The following SYNE1 variants were observed in gnomAD, a reference collection of about 807,000 sequenced individuals.
SYNE1 encodes the protein nesprin-1.
In SYNE1, 616 loss-of-function variants were observed where a neutral mutation model predicts 1,111.0. The ratio of observed to expected loss-of-function variants is 0.55; its 90% confidence interval spans 0.52 to 0.59. The LOEUF (loss-of-function observed/expected upper bound fraction) is 0.59. Among genes scored for constraint, SYNE1 ranks in the 20% least tolerant of loss-of-function variants. The pLI is 0.00. For synonymous variants in SYNE1, 3,855 were observed against 3,825.8 expected, an observed-to-expected ratio of 1.01 and a Z score of -0.28; for missense variants, 10,006 against 10,417.0, an observed-to-expected ratio of 0.96 and a Z score of 1.72.
chr6:152,380,087 C>A (rs2097375365), intron 56 of SYNE1, among the ~76,000 whole-genome samples: 1 of 152,132 alleles, frequency 6.6e-6, no homozygotes, highest in Non-Finnish European at 1.5e-5. Flanking sequence ...AACCCCCAAA[C>A]CTAGAATCAT....
At chr6:152,172,330 C>T (rs2635469) in intron 130 of SYNE1, among the ~76,000 whole-genome samples, 72,775 of 151,978 alleles carry the variant, frequency 0.48, 19,161 homozygotes, top group African/African-American at 0.7. Flanking sequence ...ATGAGTTATA[C>T]GGCATGTGGA....
rs115817359 is a variant in SYNE1, at chr6:152,631,179, A to G, written c.-223-2625T>C. The stretch of plus-strand genomic sequence containing the variant: ...CTAAGCCAGTGTGGGTGTTCTGGAA[A>G]GGTGTCCTTCTTGGCAAGGAGCAGA... On this transcript the variant is annotated intron_variant, in intron 2 of 145. Transcript: ENST00000367255. Among the ~76,000 whole-genome samples the G allele has an allele frequency of 3.0e-3, 460 of 152,346 alleles. 4 individuals carry two copies. Among genetic ancestry groups the G allele is most frequent in the African/African-American group, 0.011 (442 of 41,592 alleles).
chr6:152,339,193 A>G (rs1478352266), intron 75 of SYNE1, 48 bp downstream of exon 75: 2 of 1,606,652 alleles, frequency 1.2e-6, no homozygotes, highest in Non-Finnish European at 1.7e-6. Flanking sequence ...TTCAAGCAAG[A>G]GAATATAATA....
Position 152,390,404 on chromosome 6 carries a change from T to G in SYNE1, c.8053A>C (p.Ile2685Leu). 2 of 1,614,160 alleles carry G rather than the reference T, an allele frequency of 1.2e-6. No individual in the cohort carries two copies. Among genetic ancestry groups the G allele is most frequent in the Non-Finnish European group, 1.7e-6 (2 of 1,180,022 alleles). The change falls in exon 53 of 146, where the codon ATT (isoleucine) becomes CTT (leucine). Residue 2685 changes from isoleucine to leucine, a missense_variant. This residue lies in a region of SYNE1 where 4,955 missense variants were observed against 5,017.2 expected (regional missense o/e 0.99). Transcript: ENST00000367255. ...CTCAAGGCCTGTTCCCCCTTGCCAA[T>G]GGCCATATTCAACTTAACTTCCCCT... ...GEGEVKLNMA[I>L]GKGEQALRSS... is the part of the protein sequence containing the mutation.
At chr6:152,485,896 T>C (rs1414525187) in intron 12 of SYNE1, among the ~76,000 whole-genome samples, 1 of 152,114 alleles carries the variant, frequency 6.6e-6, no homozygotes, top group African/African-American at 2.4e-5. Flanking sequence ...GAATGGAATT[T>C]TAAAAATACC....
Position 152,184,545 on chromosome 6 carries a change from G to A in SYNE1, c.23302-4251C>T, listed in dbSNP as rs181173925. On this transcript the variant is annotated intron_variant, in intron 128 of 145. Coordinates refer to ENST00000367255, the MANE Select transcript of SYNE1 (RefSeq NM_182961.4). ...ACTAGTACTATTATACATGACTACA[G>A]GGCATCACTTAAGTTTTAAATTTTT... Among the ~76,000 whole-genome samples, 10 of 151,818 alleles carry A rather than the reference G, an allele frequency of 6.6e-5. No individual in the cohort carries two copies. In the East Asian group the frequency reaches 1.4e-3, roughly 21 times the overall value.
At chr6:152,462,593 TGACAG>T in intron 20 of SYNE1, 140 bp downstream of exon 20, 1 of 837,930 alleles carries the variant, frequency 1.2e-6, no homozygotes, top group Admixed American at 2.3e-5. Flanking sequence ...CATTTTTTTC[TGACAG>T]GTGCAAATTG....
Position 152,329,856 on chromosome 6 carries a change from C to T in SYNE1, c.14829G>A (p.Ala4943=), listed in dbSNP as rs1311351415. ...ACTTCTCCTTTTCCTTGTGACTCAG[C>T]GCATTCATGATTCTCAAGCTGGACT... The part of the protein sequence containing the change: ...EVQSSLRIMN[A]LSHKEKEKFT... Residue 4943 remains alanine (A), a synonymous_variant, in exon 78 of 146, where the codon GCG becomes GCA. Coordinates refer to ENST00000367255, the MANE Select transcript of SYNE1 (RefSeq NM_182961.4). 9 of 1,614,028 alleles carry T rather than the reference C, an allele frequency of 5.6e-6. No homozygotes were observed. The highest frequency in any genetic ancestry group is 2.2e-5 in the East Asian group (1 of 44,884).
At chr6:152,563,646 T>G (rs1053211136) in intron 3 of SYNE1, among the ~76,000 whole-genome samples, 1 of 152,170 alleles carries the variant, frequency 6.6e-6, no homozygotes, top group African/African-American at 2.4e-5. Flanking sequence ...TAATAACTTC[T>G]AAGGGATTTT....
At chr6:152,293,382 CCT>C (rs1423616870) in intron 95 of SYNE1, among the ~76,000 whole-genome samples, 5 of 151,770 alleles carry the variant, frequency 3.3e-5, no homozygotes, top group Admixed American at 3.3e-4. Flanking sequence ...TCTCTCTCTC[CCT>C]CTCTCTCTTT....
At chr6:152,346,685 C>T (rs997694160) in intron 73 of SYNE1, among the ~76,000 whole-genome samples, 7 of 152,080 alleles carry the variant, frequency 4.6e-5, no homozygotes, top group Non-Finnish European at 8.8e-5. Context: ...TGGCGGGCGC[C>T]TGTAGTCCCA....
chr6:152,213,844 C>A, intron 122 of SYNE1, 85 bp from the exon 123 acceptor site: 1 of 1,569,454 alleles, frequency 6.4e-7, no homozygotes, highest in Non-Finnish European at 8.7e-7. Flanking sequence ...TAAATAATCT[C>A]TGTGCTCAAT....
At chr6:152,376,732 A>C in intron 57 of SYNE1, 44 bp downstream of exon 57, 1 of 1,611,426 alleles carries the variant, frequency 6.2e-7, no homozygotes, top group South Asian at 1.1e-5. Context: ...CTAGCTTCTA[A>C]TTTGTATAAA....
intron 61 of SYNE1, 117 bp downstream of exon 61, chr6:152,368,855 C>T: frequency 1.5e-6 from 2 of 1,313,068 alleles, no homozygotes; most frequent in Non-Finnish European, 2.2e-6. Context: ...TTACTGCTGA[C>T]CTGGAGACCC....
At chr6:152,342,454 T>G (rs1563206727) in intron 74 of SYNE1, among the ~76,000 whole-genome samples, 1 of 152,248 alleles carries the variant, frequency 6.6e-6, no homozygotes, top group African/African-American at 2.4e-5. Context: ...CTATGTTTCA[T>G]TTGTCCTGAT....
In SYNE1 at chr6:152,502,632, C is replaced by T; in HGVS notation, c.888+1G>A. The T allele has an allele frequency of 6.2e-7, 1 of 1,609,756 alleles. No individual in the cohort carries two copies. The highest frequency in any genetic ancestry group is 2.2e-5 in the East Asian group (1 of 44,816). On this transcript the variant is annotated splice_donor_variant, in intron 10 of 145. Coordinates refer to ENST00000367255, the MANE Select transcript of SYNE1 (RefSeq NM_182961.4). LOFTEE classifies it high-confidence loss of function. Reference sequence around the variant, plus strand: ...GATACTTGAAGAAAGCAAATACCTACATCATCCTCTTGCCCATCAGTGCTT... The same window carrying T: ...GATACTTGAAGAAAGCAAATACCTATATCATCCTCTTGCCCATCAGTGCTT...
rs1171994549 is a variant in SYNE1, at chr6:152,184,691, A to G, written c.23302-4397T>C. Among the ~76,000 whole-genome samples the G allele has an allele frequency of 2.0e-5, 3 of 152,094 alleles. No homozygotes were observed. In the East Asian group the frequency reaches 5.8e-4, roughly 29 times the overall value. On this transcript the variant is annotated intron_variant, in intron 128 of 145. Transcript: ENST00000367255. Reference sequence around the variant, plus strand: ...AGATAGATAGATAAAATATATATTAAATCCCTTGTGTTTATCACACACCAT... The same window carrying G: ...AGATAGATAGATAAAATATATATTAGATCCCTTGTGTTTATCACACACCAT...
chr6:152,608,918 C>T (rs920280526), intron 3 of SYNE1, among the ~76,000 whole-genome samples: 2 of 149,336 alleles, frequency 1.3e-5, no homozygotes, highest in African/African-American at 5.0e-5. Context: ...GGTGACAGAG[C>T]GAGACTCTGT....
At position 152,623,969 on chromosome 6, in the gene SYNE1, T is replaced by C. The variant is rs868858796; in HGVS notation, c.67+4296A>G. ...TTGTGTAATGAACTTATAAGAAATA[T>C]TATACTTAAAACAAAAAAGGTTTAA... On this transcript the variant is annotated intron_variant, in intron 3 of 145. Transcript: ENST00000367255. Among the ~76,000 whole-genome samples the C allele has an allele frequency of 3.4e-4, 52 of 152,216 alleles. 1 individual carries two copies. In the Middle Eastern group the frequency reaches 0.01, roughly 30 times the overall value.
Sources: allele counts gnomAD v4.1 joint callset (sites outside exome capture counted in the v4.1 genomes callset), GRCh38; gene constraint gnomAD v4.1.1; regional missense constraint gnomAD v4.1.1; transcripts MANE v1.5; gene names NCBI Gene and HGNC (gene_info 2026-07-23, HGNC 2026-07-21).